PITPNC1: variants seen among roughly 807,000 people sequenced by gnomAD.
PITPNC1 encodes cytoplasmic phosphatidylinositol transfer protein 1.
Under a neutral mutation model 44.7 loss-of-function variants are expected in PITPNC1, and 18 were observed. The observed-to-expected ratio is 0.40, with a 90% CI of 0.28 to 0.60. The LOEUF (loss-of-function observed/expected upper bound fraction) is 0.60, where lower values mean the gene tolerates loss of function less well. Among genes scored for constraint, PITPNC1 ranks in the 20% least tolerant of loss-of-function variants. The pLI, the probability that PITPNC1 is intolerant of heterozygous loss-of-function variation, is 0.39. For missense variants in PITPNC1, 290 were observed against 418.4 expected, an observed-to-expected ratio of 0.69 and a Z score of 2.68; for synonymous variants, 141 against 149.6, an observed-to-expected ratio of 0.94 and a Z score of 0.42.
At chr17:67,509,584 AAATAAATAAATAAAT>A (rs1188867308) in intron 1 of PITPNC1, among the ~76,000 whole-genome samples, 175 of 151,340 alleles carry the variant, frequency 1.2e-3, no homozygotes, top group Non-Finnish European at 2.1e-3. Context: ...ATAAATAAAT[AAATAAATAAATAAAT>A]AAAACGTGTT....
intron 5 of PITPNC1, among the ~76,000 whole-genome samples, chr17:67,616,968 G>T (rs1194248528): frequency 6.6e-6 from 1 of 152,056 alleles, no homozygotes; most frequent in Non-Finnish European, 1.5e-5. Context: ...TGACCTTTGG[G>T]GTGGGCAGAG....
chr17:67,564,908 T>C (rs1299387649), intron 4 of PITPNC1, among the ~76,000 whole-genome samples: 1 of 152,242 alleles, frequency 6.6e-6, no homozygotes, highest in African/African-American at 2.4e-5. Context: ...CTCTCCTCCA[T>C]GAGAATATTT....
intron 4 of PITPNC1, among the ~76,000 whole-genome samples, chr17:67,572,023 C>A (rs2041064064): frequency 6.6e-6 from 1 of 152,204 alleles, no homozygotes; most frequent in African/African-American, 2.4e-5. Flanking sequence ...CCTTCATATG[C>A]TGTGGGCCAA....
chr17:67,451,180 C>T (rs760971147), intron 1 of PITPNC1, among the ~76,000 whole-genome samples: 21 of 152,032 alleles, frequency 1.4e-4, no homozygotes, highest in Admixed American at 5.9e-4. Context: ...TACACGCGCG[C>T]GCCATCACAC....
In PITPNC1 at chr17:67,696,708, G is replaced by A. The variant is rs1168719970; in HGVS notation, c.*3820G>A. Reference sequence around the variant, plus strand: ...GAGGCAAAACATTGGGTTCTTTTGTGTTCTACCTTCAAAACAATCTGTTTG... The same window carrying A: ...GAGGCAAAACATTGGGTTCTTTTGTATTCTACCTTCAAAACAATCTGTTTG... On this transcript the variant is annotated 3_prime_UTR_variant, in exon 9 of 9. Coordinates refer to ENST00000581322, the MANE Select transcript of PITPNC1 (RefSeq NM_012417.4). 6 of 152,210 alleles carry A rather than the reference G, an allele frequency of 3.9e-5. No homozygotes were observed. The highest frequency in any genetic ancestry group is 2.4e-5 in the African/African-American group (1 of 41,460). The allele number at this position is 152,210 out of a possible 1,614,324, so 9.4% of individuals were successfully genotyped here.
Position 67,487,906 on chromosome 17 carries a change from A to G in PITPNC1, c.49-44896A>G, listed in dbSNP as rs547277255. ...TATACCCTGTATAGGATCATCACGG[A>G]CTGCTGATTGAAGAAAAGGGTTAGG... On this transcript the variant is annotated intron_variant, in intron 1 of 8. Coordinates refer to ENST00000581322, the MANE Select transcript of PITPNC1 (RefSeq NM_012417.4). Among the ~76,000 whole-genome samples the G allele has an allele frequency of 2.0e-5, 3 of 152,276 alleles. No homozygotes were observed. In the South Asian group the frequency reaches 6.2e-4, roughly 32 times the overall value.
chr17:67,675,618 T>TA (rs2042587516), intron 8 of PITPNC1, 76 bp downstream of exon 8: 5 of 976,260 alleles, frequency 5.1e-6, no homozygotes, highest in Non-Finnish European at 8.3e-6. Context: ...TGGCTTCAAC[T>TA]GCTACCTAGA....
chr17:67,448,001 A>C (rs2039124579), intron 1 of PITPNC1, among the ~76,000 whole-genome samples: 1 of 151,064 alleles, frequency 6.6e-6, no homozygotes, highest in South Asian at 2.1e-4. Flanking sequence ...GCTGGAGTGC[A>C]GTGGTGCGAT....
intron 8 of PITPNC1, among the ~76,000 whole-genome samples, chr17:67,688,347 A>AAAAAAAAAAAAAAAAAAAAAAAAAAAAT (rs2042859185): frequency 6.7e-6 from 1 of 149,728 alleles, no homozygotes. Context: ...TCAAAAAAAA[A>AAAAAAAAAAAAAAAAAAAAAAAAAAAAT]AAAATCAATG....
intron 6 of PITPNC1, among the ~76,000 whole-genome samples, chr17:67,658,937 C>G (rs1006909030): frequency 3.3e-5 from 5 of 152,176 alleles, no homozygotes; most frequent in Admixed American, 1.3e-4. Context: ...AAACACCCAT[C>G]ATTTACCTCT....
Position 67,529,841 on chromosome 17 carries a change from G to C in PITPNC1, c.49-2961G>C, listed in dbSNP as rs555465156. Among the ~76,000 whole-genome samples, 7 of 152,262 alleles carry C rather than the reference G, an allele frequency of 4.6e-5. No individual in the cohort carries two copies. In the South Asian group the frequency reaches 1.2e-3, roughly 27 times the overall value. ...CGTGCGCCTGTAATCCCAGCTGCTT[G>C]GGAGGCTGAGGCAGGAGAATCACTT... On this transcript the variant is annotated intron_variant, in intron 1 of 8. Coordinates refer to ENST00000581322, the MANE Select transcript of PITPNC1 (RefSeq NM_012417.4).
chr17:67,564,676 C>A (rs2040950933), intron 4 of PITPNC1, among the ~76,000 whole-genome samples: 1 of 152,136 alleles, frequency 6.6e-6, no homozygotes, highest in Middle Eastern at 3.2e-3. Flanking sequence ...ATAACATAAT[C>A]CTCTTTAAGT....
At chr17:67,480,119 G>A (rs147659759) in intron 1 of PITPNC1, among the ~76,000 whole-genome samples, 117 of 152,242 alleles carry the variant, frequency 7.7e-4, no homozygotes, top group Non-Finnish European at 1.2e-3. Flanking sequence ...GTCTAGGAGC[G>A]GGGGTCTGCC....
intron 1 of PITPNC1, among the ~76,000 whole-genome samples, chr17:67,519,702 A>T (rs540833849): frequency 6.6e-6 from 1 of 152,294 alleles, no homozygotes; most frequent in South Asian, 2.1e-4. Flanking sequence ...TCTGGCTACA[A>T]GTGCCATCCA....
intron 6 of PITPNC1, among the ~76,000 whole-genome samples, chr17:67,644,394 A>G (rs1026634334): frequency 2.0e-5 from 3 of 150,410 alleles, no homozygotes; most frequent in Admixed American, 2.0e-4. Context: ...GCTCTTCTTC[A>G]GTTCCATCTC....
At chr17:67,642,101 G>A (rs1392311507) in intron 6 of PITPNC1, among the ~76,000 whole-genome samples, 1 of 152,238 alleles carries the variant, frequency 6.6e-6, no homozygotes, top group Non-Finnish European at 1.5e-5. Context: ...CTGAAGATGT[G>A]TGAGATGGAA....
At chr17:67,532,437 G>A (rs143190379) in intron 1 of PITPNC1, among the ~76,000 whole-genome samples, 35 of 152,132 alleles carry the variant, frequency 2.3e-4, no homozygotes, top group African/African-American at 8.0e-4. Flanking sequence ...ACACACCCTC[G>A]GCTGTCTTGG....
Position 67,580,469 on chromosome 17 carries a change from C to G in PITPNC1, c.366+2212C>G, listed in dbSNP as rs1009977330. On this transcript the variant is annotated intron_variant, in intron 5 of 8. Transcript: ENST00000581322. The stretch of plus-strand genomic sequence containing the variant: ...CAAGCAATCCTCCCACCTCAGCCCC[C>G]CTACTGGGACTACGGCACACACAAC... 2.4e-4 allele frequency among the ~76,000 whole-genome samples: 37 copies of G among 152,110 alleles called. 2 individuals are homozygous for G. Among genetic ancestry groups the G allele is most frequent in the Admixed American group, 2.2e-3 (33 of 15,262 alleles).
intron 1 of PITPNC1, among the ~76,000 whole-genome samples, chr17:67,527,415 A>T (rs2144118936): frequency 6.6e-6 from 1 of 152,326 alleles, no homozygotes; most frequent in East Asian, 1.9e-4. Context: ...ATTAGAATGA[A>T]CATAGGCGGC....
Sources: allele counts gnomAD v4.1 joint callset (sites outside exome capture counted in the v4.1 genomes callset), GRCh38; gene constraint gnomAD v4.1.1; transcripts MANE v1.5; gene names NCBI Gene and HGNC (gene_info 2026-07-23, HGNC 2026-07-21).